The following ASTN2 variants were observed in gnomAD, a reference collection of about 807,000 sequenced individuals.
ASTN2 encodes the protein astrotactin-2.
ASTN2 carries 54 observed loss-of-function variants against 139.8 expected under a neutral mutation model. That is an observed-to-expected ratio of 0.39 (90% CI 0.31 to 0.48). The LOEUF is 0.48. Among genes scored for constraint, ASTN2 ranks in the 20% least tolerant of loss-of-function variants. The probability of loss-of-function intolerance (pLI) is 0.95; values close to 1 mark genes in which losing one functional copy is unlikely to be tolerated. For synonymous variants in ASTN2, 756 were observed against 719.5 expected, an observed-to-expected ratio of 1.05 and a Z score of -0.81; for missense variants, 1,565 against 1,725.1, an observed-to-expected ratio of 0.91 and a Z score of 1.64.
At chr9:116,531,125 A>G (rs1851322857) in intron 19 of ASTN2, among the ~76,000 whole-genome samples, 1 of 152,204 alleles carries the variant, frequency 6.6e-6, no homozygotes, top group Non-Finnish European at 1.5e-5. Context: ...AGTTAGGGGC[A>G]TAGTCTGTGT....
intron 11 of ASTN2, among the ~76,000 whole-genome samples, chr9:116,822,968 G>A (rs1050286112): frequency 6.6e-6 from 1 of 152,144 alleles, no homozygotes; most frequent in African/African-American, 2.4e-5. Context: ...AGAGGAGAAG[G>A]CGATGTGGGG....
intron 6 of ASTN2, among the ~76,000 whole-genome samples, chr9:117,026,712 G>C (rs1296480082): frequency 6.6e-6 from 1 of 152,126 alleles, no homozygotes; most frequent in Non-Finnish European, 1.5e-5. Context: ...ATTGTGATCA[G>C]TCATTAAACA....
chr9:116,790,966 G>GGAAGGAAA lies in ASTN2; in HGVS notation c.2396+14665_2396+14666insTTTCCTTC, dbSNP rs1830520531. ...AGAAAGAAAGAAAGAAAAGAAAGAA[G>GGAAGGAAA]GAAAGAAAGAAAGAAAGAAAGAAAG... On this transcript the variant is annotated intron_variant, in intron 13 of 22. Transcript: ENST00000313400. Among the ~76,000 whole-genome samples, 36 of 65,880 alleles carry GGAAGGAAA rather than the reference G, an allele frequency of 5.5e-4. 1 individual carries two copies. Among genetic ancestry groups the GGAAGGAAA allele is most frequent in the African/African-American group, 2.1e-3 (36 of 17,194 alleles). The allele number at this position is 65,880 out of a possible 152,430, so 43.2% of individuals were successfully genotyped here. A position where few individuals can be genotyped will look rare whatever the true frequency, so the allele number is the denominator to read the frequency against.
intron 16 of ASTN2, among the ~76,000 whole-genome samples, chr9:116,723,159 C>T (rs893817953): frequency 2.7e-5 from 4 of 150,350 alleles, no homozygotes; most frequent in African/African-American, 9.8e-5. Context: ...ACTGAGACTC[C>T]GTCTCAAAAA....
chr9:116,924,516 T>TTTATTAA (rs1834703660), intron 10 of ASTN2, among the ~76,000 whole-genome samples: 1 of 151,978 alleles, frequency 6.6e-6, no homozygotes, highest in Admixed American at 6.6e-5. Context: ...TTGTTACTTC[T>TTTATTAA]TTATTAATTA....
intron 10 of ASTN2, among the ~76,000 whole-genome samples, chr9:116,894,198 C>T (rs990312726): frequency 1.3e-5 from 2 of 152,100 alleles, no homozygotes; most frequent in East Asian, 3.9e-4. Context: ...CTCCTTTCTG[C>T]CCCTGAACCC....
At chr9:117,204,043 G>A (rs746752412) in intron 3 of ASTN2, among the ~76,000 whole-genome samples, 12 of 152,200 alleles carry the variant, frequency 7.9e-5, no homozygotes, top group Non-Finnish European at 1.6e-4. Context: ...CTGTCCCAGA[G>A]CCTCTGGCTG....
chr9:117,198,252 T>C (rs1435353964), intron 3 of ASTN2, among the ~76,000 whole-genome samples: 3 of 152,126 alleles, frequency 2.0e-5, no homozygotes, highest in Non-Finnish European at 4.4e-5. Flanking sequence ...AATGTTCAAC[T>C]CCCACTTATG....
chr9:116,686,382 AT>A (rs771081250), intron 16 of ASTN2, among the ~76,000 whole-genome samples: 22 of 152,140 alleles, frequency 1.4e-4, no homozygotes, highest in Non-Finnish European at 4.4e-5. Context: ...GATGTTAGTC[AT>A]TGTTTTTGTT....
chr9:117,034,679 ACTGGT>A (rs2132639760), intron 6 of ASTN2, among the ~76,000 whole-genome samples: 1 of 152,250 alleles, frequency 6.6e-6, no homozygotes, highest in South Asian at 2.1e-4. Flanking sequence ...AATCTGACTC[ACTGGT>A]TCTGGGAATT....
At chr9:117,075,308 G>A (rs1176390892) in intron 5 of ASTN2, among the ~76,000 whole-genome samples, 1 of 152,266 alleles carries the variant, frequency 6.6e-6, no homozygotes, top group Non-Finnish European at 1.5e-5. Flanking sequence ...TCAGCACAGC[G>A]TCAGCGCCTC....
At chr9:116,549,583 G>A (rs190110119) in intron 19 of ASTN2, among the ~76,000 whole-genome samples, 4 of 152,330 alleles carry the variant, frequency 2.6e-5, no homozygotes, top group East Asian at 1.9e-4. Flanking sequence ...CAGGATAGAT[G>A]CTCTTTTGCA....
At chr9:116,641,826 T>C (rs879452944) in intron 17 of ASTN2, among the ~76,000 whole-genome samples, 4 of 152,064 alleles carry the variant, frequency 2.6e-5, no homozygotes, top group Non-Finnish European at 5.9e-5. Context: ...TTGAGTAATA[T>C]GTGGATTACT....
intron 2 of ASTN2, among the ~76,000 whole-genome samples, chr9:117,290,339 T>C (rs1834556321): frequency 6.6e-6 from 1 of 152,228 alleles, no homozygotes; most frequent in South Asian, 2.1e-4. Context: ...TATTTTCTGG[T>C]TTTGTTTTTC....
intron 2 of ASTN2, among the ~76,000 whole-genome samples, chr9:117,285,850 T>G (rs2130774760): frequency 6.6e-6 from 1 of 152,366 alleles, no homozygotes; most frequent in Middle Eastern, 3.4e-3. Flanking sequence ...TGGCATTTTC[T>G]TTGGGATGAT....
At chr9:116,659,673 A>AC (rs1412770473) in intron 16 of ASTN2, among the ~76,000 whole-genome samples, 5 of 151,196 alleles carry the variant, frequency 3.3e-5, no homozygotes, top group African/African-American at 1.2e-4. Flanking sequence ...ATTACCTCCC[A>AC]CCCCCAGGTA....
At chr9:117,179,924 G>A (rs911510573) in intron 3 of ASTN2, among the ~76,000 whole-genome samples, 3 of 152,168 alleles carry the variant, frequency 2.0e-5, no homozygotes, top group African/African-American at 7.2e-5. Flanking sequence ...TGTAGGTGAT[G>A]GATGATGCTT....
chr9:117,070,797 C>T (rs935320297), intron 5 of ASTN2, among the ~76,000 whole-genome samples: 168 of 151,790 alleles, frequency 1.1e-3, no homozygotes, highest in African/African-American at 3.8e-3. Flanking sequence ...TCCAGTTGAT[C>T]GCATCGGCTC....
intron 17 of ASTN2, among the ~76,000 whole-genome samples, chr9:116,640,661 TAGA>T (rs1857282759): frequency 6.6e-6 from 1 of 152,108 alleles, no homozygotes; most frequent in Admixed American, 6.6e-5. Context: ...TTTAAGAAAT[TAGA>T]AGGTTTCCGC....
Sources: allele counts gnomAD v4.1 joint callset (sites outside exome capture counted in the v4.1 genomes callset), GRCh38; gene constraint gnomAD v4.1.1; transcripts MANE v1.5; gene names NCBI Gene and HGNC (gene_info 2026-07-23, HGNC 2026-07-21).